SMYD3: variants seen among roughly 807,000 people sequenced by gnomAD.
The protein encoded by SMYD3 is histone-lysine N-methyltransferase SMYD3.
A neutral mutation model predicts 57.7 loss-of-function variants in SMYD3; 36 were observed. The ratio of observed to expected loss-of-function variants is 0.62; its 90% confidence interval spans 0.48 to 0.82. The LOEUF (loss-of-function observed/expected upper bound fraction) is 0.82, where lower values mean the gene tolerates loss of function less well. SMYD3 is among the 40% of genes least tolerant of loss of function. The pLI is 0.00. For synonymous variants in SMYD3, 211 were observed against 195.0 expected, an observed-to-expected ratio of 1.08 and a Z score of -0.68; for missense variants, 515 against 538.8, an observed-to-expected ratio of 0.96 and a Z score of 0.44.
chr1:246,111,460 T>C (rs1355001161), intron 5 of SMYD3: 2 of 152,212 alleles, frequency 1.3e-5, no homozygotes, highest in Admixed American at 6.5e-5. Flanking sequence ...GAGTGCAGTC[T>C]AAAGAATCTT....
chr1:246,154,303 A>C (rs530813042), intron 5 of SMYD3, among the ~76,000 whole-genome samples: 1 of 152,344 alleles, frequency 6.6e-6, no homozygotes, highest in Admixed American at 6.5e-5. Context: ...TGGCAAAGTA[A>C]GATATAAAAG....
intron 9 of SMYD3, among the ~76,000 whole-genome samples, chr1:245,859,538 T>C (rs552886682): frequency 6.6e-6 from 1 of 152,312 alleles, no homozygotes; most frequent in South Asian, 2.1e-4. Context: ...GGACATGGTT[T>C]ATGGAGCGTA....
intron 1 of SMYD3, among the ~76,000 whole-genome samples, chr1:246,375,886 C>T (rs1364293300): frequency 2.0e-5 from 3 of 151,978 alleles, no homozygotes; most frequent in Non-Finnish European, 4.4e-5. Flanking sequence ...TGCACCACCA[C>T]GCCTGGCTCA....
intron 1 of SMYD3, among the ~76,000 whole-genome samples, chr1:246,472,014 A>G (rs1048385827): frequency 1.3e-5 from 2 of 152,224 alleles, no homozygotes; most frequent in African/African-American, 4.8e-5. Flanking sequence ...AAAGCATGTA[A>G]GCATTCAACC....
intron 1 of SMYD3, among the ~76,000 whole-genome samples, chr1:246,499,955 T>C (rs2068432353): frequency 6.6e-6 from 1 of 152,190 alleles, no homozygotes; most frequent in African/African-American, 2.4e-5. Flanking sequence ...CACTGGTCTA[T>C]AACACCAGCT....
At chr1:245,961,981 C>T (rs1544149) in intron 5 of SMYD3, among the ~76,000 whole-genome samples, 85,271 of 151,886 alleles carry the variant, frequency 0.56, 25,136 homozygotes, top group Non-Finnish European at 0.66. Flanking sequence ...CTGTGAGGCA[C>T]GTATAGTAGT....
chr1:246,256,578 T>A (rs776583114), intron 5 of SMYD3, among the ~76,000 whole-genome samples: 1 of 152,228 alleles, frequency 6.6e-6, no homozygotes, highest in Non-Finnish European at 1.5e-5. Flanking sequence ...TTTTTGTTAA[T>A]CTAGCTAATG....
At chr1:246,429,024 G>T (rs2067261294) in intron 1 of SMYD3, among the ~76,000 whole-genome samples, 1 of 82,386 alleles carries the variant, frequency 1.2e-5, no homozygotes, top group East Asian at 4.1e-4. Flanking sequence ...CCAAACAAAA[G>T]CTCTGAGTCT....
chr1:246,036,690 A>G (rs912973159), intron 5 of SMYD3, among the ~76,000 whole-genome samples: 6 of 145,818 alleles, frequency 4.1e-5, no homozygotes, highest in Non-Finnish European at 9.0e-5. Flanking sequence ...AGTAGCTGGG[A>G]CTACAGGCGC....
intron 10 of SMYD3, among the ~76,000 whole-genome samples, chr1:245,839,196 T>G (rs10924353): frequency 0.41 from 62,024 of 151,924 alleles, 14,587 homozygotes; most frequent in East Asian, 0.87. Context: ...TTTTGAGACA[T>G]TCTCGCTCTT....
chr1:246,428,931 C>G (rs564209728), intron 1 of SMYD3, among the ~76,000 whole-genome samples: 9 of 151,904 alleles, frequency 5.9e-5, no homozygotes, highest in Non-Finnish European at 1.3e-4. Flanking sequence ...TCTGGCTCCC[C>G]GTCAGGAATA....
chr1:245,949,777 C>G (rs2057555051), intron 5 of SMYD3, among the ~76,000 whole-genome samples: 1 of 152,078 alleles, frequency 6.6e-6, no homozygotes, highest in Non-Finnish European at 1.5e-5. Flanking sequence ...CCACTGGACT[C>G]CAGCCTGGGC....
intron 5 of SMYD3, among the ~76,000 whole-genome samples, chr1:246,026,473 A>G (rs7526244): frequency 0.088 from 13,408 of 152,218 alleles, 1,743 homozygotes; most frequent in African/African-American, 0.28. Flanking sequence ...CCTTTGTTGA[A>G]CAAGTCTATT....
chr1:246,325,539 C>A (rs1370218763), intron 5 of SMYD3, among the ~76,000 whole-genome samples: 1 of 151,906 alleles, frequency 6.6e-6, no homozygotes, highest in Non-Finnish European at 1.5e-5. Flanking sequence ...GAAGGGTAAG[C>A]ATTATATTAA....
At chr1:246,253,486 A>G (rs2063828496) in intron 5 of SMYD3, among the ~76,000 whole-genome samples, 1 of 152,208 alleles carries the variant, frequency 6.6e-6, no homozygotes, top group Admixed American at 6.5e-5. Context: ...TCTGTGGTGT[A>G]TATGTACCAC....
chr1:245,768,649 A>C (rs1186169181), intron 10 of SMYD3, among the ~76,000 whole-genome samples: 1 of 152,214 alleles, frequency 6.6e-6, no homozygotes, highest in African/African-American at 2.4e-5. Flanking sequence ...CCGGCCTTTA[A>C]GAGGTGATTA....
intron 7 of SMYD3, among the ~76,000 whole-genome samples, chr1:245,923,014 A>ATTCCC (rs2056092412): frequency 6.6e-6 from 1 of 152,124 alleles, no homozygotes; most frequent in East Asian, 1.9e-4. Flanking sequence ...CCCTATAAAT[A>ATTCCC]TTCCCTATCA....
At chr1:246,376,584 C>T (rs1296815182) in intron 1 of SMYD3, among the ~76,000 whole-genome samples, 1 of 121,534 alleles carries the variant, frequency 8.2e-6, no homozygotes, top group South Asian at 3.4e-4. Flanking sequence ...GTGCGACACT[C>T]CATCTAAAAA....
intron 5 of SMYD3, among the ~76,000 whole-genome samples, chr1:246,132,210 A>C (rs1313079335): frequency 1.3e-5 from 2 of 152,124 alleles, no homozygotes; most frequent in African/African-American, 4.8e-5. Flanking sequence ...AAAGCTTTAC[A>C]AGAAACTCAT....
Sources: allele counts gnomAD v4.1 joint callset (sites outside exome capture counted in the v4.1 genomes callset), GRCh38; gene constraint gnomAD v4.1.1; transcripts MANE v1.5; gene names NCBI Gene and HGNC (gene_info 2026-07-23, HGNC 2026-07-21).